Variants in DPF3 observed in about 807,000 individuals in gnomAD.
DPF3 encodes the protein double PHD fingers 3.
Under a neutral mutation model 56.8 loss-of-function variants are expected in DPF3, and 18 were observed. That is an observed-to-expected ratio of 0.32 (90% CI 0.22 to 0.47). The LOEUF is 0.47. Among genes scored for constraint, DPF3 ranks in the 20% least tolerant of loss-of-function variants. DPF3 has a pLI of 1.00. For missense variants in DPF3, 403 were observed against 488.8 expected (o/e 0.82, Z 1.65); for synonymous variants, 188 against 180.2 (o/e 1.04, Z -0.35).
rs1886256093 is a variant in DPF3 at position 72,879,763 on chromosome 14, A to T, written c.32+14294T>A. On this transcript the variant is annotated intron_variant, in intron 1 of 10. Transcript: ENST00000556509. ...GCAGGGACACAGAGCATCCCCTCAG[A>T]CTAACAAGTTCACACACGTCTCTCA... 3.3e-6 allele frequency: 5 copies of T among 1,513,564 alleles called. No individual in the cohort carries two copies. The East Asian group carries it at 1.2e-4, about 37-fold the overall frequency. 93.8% of individuals were successfully genotyped at this position (1,513,564 alleles called of 1,614,324 possible). A position where few individuals can be genotyped will look rare whatever the true frequency, so the allele number is the denominator to read the frequency against.
chr14:72,680,474 C>G (rs1050082853), intron 7 of DPF3, among the ~76,000 whole-genome samples: 11 of 152,366 alleles, frequency 7.2e-5, no homozygotes, highest in Middle Eastern at 3.4e-3. Flanking sequence ...CCGCTCCCCA[C>G]AGGACCCTCC....
At chr14:72,858,843 C>T (rs61986335) in intron 1 of DPF3, among the ~76,000 whole-genome samples, 7,241 of 152,206 alleles carry the variant, frequency 0.048, 247 homozygotes, top group Non-Finnish European at 0.078. Context: ...GATAATTTTG[C>T]TCTCATCTTT....
chr14:72,840,792 T>C (rs1268860108), intron 1 of DPF3, among the ~76,000 whole-genome samples: 1 of 152,224 alleles, frequency 6.6e-6, no homozygotes, highest in Non-Finnish European at 1.5e-5. Context: ...TGACAGTATG[T>C]CCTAACCAAA....
intron 1 of DPF3, among the ~76,000 whole-genome samples, chr14:72,855,064 G>T (rs949854622): frequency 6.6e-6 from 1 of 152,144 alleles, no homozygotes; most frequent in Non-Finnish European, 1.5e-5. Context: ...GAAAGAATGA[G>T]ACTTTGATAT....
In DPF3 at chr14:72,674,191, G is replaced by A. The variant is rs555278205; in HGVS notation, c.871+49C>T. The A allele has an allele frequency of 3.8e-6, 6 of 1,582,376 alleles. No individual in the cohort carries two copies. In the East Asian group the frequency reaches 1.1e-4, roughly 30 times the overall value. ...ACAAGATGGAAGAGGAATGCAAGAG[G>A]AGCATTCCTGGTCTACGGGCACCCG... On this transcript the variant is annotated intron_variant, in intron 8 of 10. Transcript: ENST00000556509.
intron 8 of DPF3, among the ~76,000 whole-genome samples, chr14:72,664,975 T>C (rs1210068006): frequency 1.3e-5 from 2 of 152,210 alleles, no homozygotes; most frequent in African/African-American, 4.8e-5. Context: ...CAAATGGTGA[T>C]TTTTGCCATT....
intron 5 of DPF3, among the ~76,000 whole-genome samples, chr14:72,714,988 G>A (rs553583373): frequency 4.6e-5 from 7 of 152,206 alleles, no homozygotes; most frequent in African/African-American, 7.2e-5. Context: ...AAGGCCTGAC[G>A]GGGGCAAGGC....
At chr14:72,723,366 C>T (rs1555500316) in intron 5 of DPF3, among the ~76,000 whole-genome samples, 1 of 152,174 alleles carries the variant, frequency 6.6e-6, no homozygotes, top group Non-Finnish European at 1.5e-5. Context: ...TTATCTTCCA[C>T]CCTCACCCTG....
chr14:72,799,027 G>C (rs1370800119), intron 1 of DPF3, among the ~76,000 whole-genome samples: 1 of 152,186 alleles, frequency 6.6e-6, no homozygotes, highest in Non-Finnish European at 1.5e-5. Flanking sequence ...TCCTGAGGCA[G>C]TGCATTCTCC....
intron 1 of DPF3, among the ~76,000 whole-genome samples, chr14:72,793,874 G>A (rs1892537499): frequency 6.6e-6 from 1 of 152,212 alleles, no homozygotes; most frequent in Non-Finnish European, 1.5e-5. Flanking sequence ...TGCCTTGCTG[G>A]CCAGCTGGGT....
At position 72,793,998 on chromosome 14, in the gene DPF3, C is replaced by A. The variant is rs1003524805; in HGVS notation, c.33-22105G>T. Among the ~76,000 whole-genome samples, 27 of 152,328 alleles carry A rather than the reference C, an allele frequency of 1.8e-4. 2 individuals are homozygous for A. The South Asian group carries it at 2.9e-3, about 16-fold the overall frequency. On this transcript the variant is annotated intron_variant, in intron 1 of 10. Transcript: ENST00000556509. ...AACATTCATCCAGTCAGGCAACATCCATGGAGTGCCTATTCCATGCCATGC... is the reference window on the plus strand; with the variant it reads ...AACATTCATCCAGTCAGGCAACATCAATGGAGTGCCTATTCCATGCCATGC...
chr14:72,828,537 T>TAA (rs3058950), intron 1 of DPF3, among the ~76,000 whole-genome samples: 37 of 86,986 alleles, frequency 4.3e-4, no homozygotes, highest in Admixed American at 6.7e-4. Context: ...GACCATGTCT[T>TAA]AAAAAAAAAA....
At chr14:72,674,082 G>A in intron 8 of DPF3, 158 bp downstream of exon 8, 1 of 1,187,666 alleles carries the variant, frequency 8.4e-7, no homozygotes, top group Non-Finnish European at 1.1e-6. Context: ...GAGACCCAAA[G>A]AAGAAAAATA....
chr14:72,750,927 C>T (rs1273043038), intron 3 of DPF3, among the ~76,000 whole-genome samples: 1 of 152,004 alleles, frequency 6.6e-6, no homozygotes, highest in African/African-American at 2.4e-5. Flanking sequence ...ACAGTAGCTC[C>T]TGCCTGTAAT....
At chr14:72,885,553 A>G (rs1599526167) in intron 1 of DPF3, among the ~76,000 whole-genome samples, 1 of 150,720 alleles carries the variant, frequency 6.6e-6, no homozygotes, top group African/African-American at 2.4e-5. Flanking sequence ...ACAGGTGTAC[A>G]CCACCACACC....
At chr14:72,884,729 T>C (rs1886447518) in intron 1 of DPF3, among the ~76,000 whole-genome samples, 1 of 151,170 alleles carries the variant, frequency 6.6e-6, no homozygotes, top group South Asian at 2.1e-4. Context: ...ACCAGGTAAC[T>C]GCTAGTGCTA....
At position 72,719,353 on chromosome 14, in the gene DPF3, G is replaced by A. The variant is rs570549495; in HGVS notation, c.525+4280C>T. Among the ~76,000 whole-genome samples, 5 of 151,806 alleles carry A rather than the reference G, an allele frequency of 3.3e-5. No homozygotes were observed. The South Asian group carries it at 6.3e-4, about 19-fold the overall frequency. ...GCTGGGATTACAGTTGTGAGCCACC[G>A]CACCCAGCCTACACCCTTGCTATTT... is the stretch of plus-strand genomic sequence containing the variant. On this transcript the variant is annotated intron_variant, in intron 5 of 10. Coordinates refer to ENST00000556509, the MANE Select transcript of DPF3 (RefSeq NM_001280542.3).
chr14:72,767,723 T>C (rs1307214228), intron 2 of DPF3, among the ~76,000 whole-genome samples: 1 of 108,866 alleles, frequency 9.2e-6, no homozygotes, highest in Non-Finnish European at 1.9e-5. Flanking sequence ...TGAAGAAGTA[T>C]TCAAAGAAAT....
rs763826839 is a variant in DPF3 at position 72,661,756 on chromosome 14, C to A, written c.871+12484G>T. The A allele has an allele frequency of 1.2e-4, 117 of 985,266 alleles. 1 individual carries two copies. Among genetic ancestry groups the A allele is most frequent in the Non-Finnish European group, 1.4e-4 (116 of 829,942 alleles). 61.0% of individuals were successfully genotyped at this position (985,266 alleles called of 1,614,324 possible). A position where few individuals can be genotyped will look rare whatever the true frequency, so the allele number is the denominator to read the frequency against. On this transcript the variant is annotated intron_variant, in intron 8 of 10. Transcript: ENST00000556509. ...GGGGACAGCTCTGGAAGCTCAGGCC[C>A]CAGAAGCCAGCTCAGCAGAAGGTTC...
Sources: gnomAD v4.1 joint callset for allele counts (sites outside exome capture counted in the v4.1 genomes callset) on GRCh38, gnomAD v4.1.1 for gene constraint, MANE v1.5 for transcripts, NCBI Gene and HGNC (gene_info 2026-07-23, HGNC 2026-07-21) for gene names.